The following SMIM8 variants were observed in gnomAD, a reference collection of about 807,000 sequenced individuals.
SMIM8 encodes small integral membrane protein 8.
A neutral mutation model predicts 8.1 loss-of-function variants in SMIM8; 8 were observed. The observed-to-expected ratio is 0.99, with a 90% confidence interval of 0.58 to 1.78. SMIM8 has a LOEUF of 1.78. Among genes scored for constraint, SMIM8 ranks in the 40% most tolerant of loss-of-function variants. The pLI is 0.00. For missense variants in SMIM8, 126 were observed against 119.8 expected, an observed-to-expected ratio of 1.05 and a Z score of -0.24; for synonymous variants, 45 against 39.7, an observed-to-expected ratio of 1.13 and a Z score of -0.50.
intron 1 of SMIM8, among the ~76,000 whole-genome samples, chr6:87,327,094 G>T (rs1314440556): frequency 6.6e-6 from 1 of 151,328 alleles, no homozygotes; most frequent in Non-Finnish European, 1.5e-5. Context: ...TGCAACCCCT[G>T]CTTTTTTTTG....
At chr6:87,340,055 A>G (rs1440209108) in intron 3 of SMIM8, 61 bp from the exon 4 acceptor site, 1 of 1,393,910 alleles carries the variant, frequency 7.2e-7, no homozygotes, top group East Asian at 2.5e-5. Context: ...TGCAACCGAT[A>G]TTTGGGTCTC....
chr6:87,334,801 A>G (rs913302081), intron 2 of SMIM8, among the ~76,000 whole-genome samples: 22 of 152,370 alleles, frequency 1.4e-4, no homozygotes, highest in African/African-American at 5.3e-4. Context: ...TTACCAAGCC[A>G]ATACACATGC....
chr6:87,325,948 G>A (rs558953619), intron 1 of SMIM8, among the ~76,000 whole-genome samples: 2 of 152,214 alleles, frequency 1.3e-5, no homozygotes, highest in Non-Finnish European at 2.9e-5. Context: ...TTCAGCTCCT[G>A]TTATTGGTCT....
At chr6:87,339,413 CGTGTGTGT>C (rs554628565) in intron 3 of SMIM8, among the ~76,000 whole-genome samples, 1 of 88,476 alleles carries the variant, frequency 1.1e-5, no homozygotes, top group Admixed American at 1.1e-4. Context: ...CAAAACACAG[CGTGTGTGT>C]GTGTGTGTGT....
At chr6:87,332,292 TTC>T (rs1248169511) in intron 2 of SMIM8, among the ~76,000 whole-genome samples, 2 of 144,058 alleles carry the variant, frequency 1.4e-5, no homozygotes, top group Non-Finnish European at 3.0e-5. Context: ...GTCTCTCTCT[TTC>T]TCTTTCTCCT....
chr6:87,324,944 C>A (rs374859553), intron 1 of SMIM8, among the ~76,000 whole-genome samples: 3 of 151,946 alleles, frequency 2.0e-5, no homozygotes, highest in Non-Finnish European at 4.4e-5. Context: ...CTTTTATTTC[C>A]TTGAGCAGTG....
intron 2 of SMIM8, among the ~76,000 whole-genome samples, chr6:87,335,437 A>G (rs1777093156): frequency 6.6e-6 from 1 of 152,210 alleles, no homozygotes; most frequent in South Asian, 2.1e-4. Context: ...GATAATCATG[A>G]TATGCATGAG....
At chr6:87,338,949 C>T (rs575932293) in intron 3 of SMIM8, among the ~76,000 whole-genome samples, 67 of 118,614 alleles carry the variant, frequency 5.6e-4, no homozygotes, top group African/African-American at 1.7e-3. Flanking sequence ...TGACTCATGT[C>T]TGCAATCCCA....
At chr6:87,335,204 C>G (rs1777080346) in intron 2 of SMIM8, among the ~76,000 whole-genome samples, 1 of 152,176 alleles carries the variant, frequency 6.6e-6, no homozygotes, top group Non-Finnish European at 1.5e-5. Context: ...CTGAGGTCCT[C>G]CTGTAAGAAG....
At chr6:87,324,020 G>A (rs1448128114) in intron 1 of SMIM8, among the ~76,000 whole-genome samples, 3 of 149,976 alleles carry the variant, frequency 2.0e-5, no homozygotes, top group Non-Finnish European at 4.4e-5. Context: ...TTCTCTGATG[G>A]CCAGTGATGG....
intron 2 of SMIM8, among the ~76,000 whole-genome samples, chr6:87,336,489 A>C (rs1478099547): frequency 6.6e-6 from 1 of 152,138 alleles, no homozygotes; most frequent in Admixed American, 6.5e-5. Context: ...TGCTTGGGAA[A>C]ATGAGTTCGT....
rs1370188341 is a variant in SMIM8 at position 87,341,532 on chromosome 6, A to T, written c.*1258A>T. ...CTCCAAATCATTGTCATTGGGCCTC[A>T]GTAGTAAATCTTACCTCTGAAGTCT... On this transcript the variant is annotated 3_prime_UTR_variant, in exon 4 of 4. Transcript: ENST00000392863. 2 of 377,536 alleles carry T rather than the reference A, an allele frequency of 5.3e-6. No individual in the cohort carries two copies. The highest frequency in any genetic ancestry group is 9.4e-6 in the Non-Finnish European group (2 of 213,636). The allele number at this position is 377,536 out of a possible 1,614,324, so 23.4% of individuals were successfully genotyped here. A position where few individuals can be genotyped will look rare whatever the true frequency, so the allele number is the denominator to read the frequency against.
chr6:87,328,872 G>A (rs190817343), intron 1 of SMIM8, among the ~76,000 whole-genome samples: 5,695 of 152,248 alleles, frequency 0.037, 367 homozygotes, highest in African/African-American at 0.13. Context: ...CTTGCAGTTT[G>A]ATCTCAGACT....
rs746519218 is a variant in SMIM8 at position 87,341,174 on chromosome 6, T to C, written c.*900T>C. 9 of 397,794 alleles carry C rather than the reference T, an allele frequency of 2.3e-5. No individual in the cohort carries two copies. Among genetic ancestry groups the C allele is most frequent in the Non-Finnish European group, 4.0e-5 (9 of 225,692 alleles). 24.6% of individuals were successfully genotyped at this position (397,794 alleles called of 1,614,324 possible). On this transcript the variant is annotated 3_prime_UTR_variant, in exon 4 of 4. Coordinates refer to ENST00000392863, the MANE Select transcript of SMIM8 (RefSeq NM_001042493.3). The stretch of plus-strand genomic sequence containing the variant: ...TAAGGTCTCCTTATTGTACCTTTTT[T>C]TTCTTTTGAAGTTTATATGCCAGCA...
chr6:87,340,155 C>G lies in SMIM8; in HGVS notation c.175C>G (p.Leu59Val), dbSNP rs757968987. The G allele has an allele frequency of 6.2e-7, 1 of 1,602,182 alleles. No individual in the cohort carries two copies. The change falls in exon 4 of 4, where the codon CTT becomes GTT. Residue 59 changes from leucine (L) to valine (V), a missense_variant. Physicochemically the swap from Leu to Val is conservative, Grantham distance 32. Coordinates refer to ENST00000392863, the MANE Select transcript of SMIM8 (RefSeq NM_001042493.3). ...VMAFGLVTLS[L>V]CVAYIGYLHA... ...GGCTTTCGGATTGGTAACTCTTTCACTTTGCGTGGCATATATTGGTTATCT... is the reference window on the plus strand; with the variant it reads ...GGCTTTCGGATTGGTAACTCTTTCAGTTTGCGTGGCATATATTGGTTATCT...
chr6:87,341,403 G>A lies in SMIM8; in HGVS notation c.*1129G>A. 2.5e-6 allele frequency: 1 copy of A among 397,376 alleles called. No homozygotes were observed. The highest frequency in any genetic ancestry group is 2.1e-5 in the African/African-American group (1 of 48,708). The allele number at this position is 397,376 out of a possible 1,614,324, so 24.6% of individuals were successfully genotyped here. On this transcript the variant is annotated 3_prime_UTR_variant, in exon 4 of 4. Coordinates refer to ENST00000392863, the MANE Select transcript of SMIM8 (RefSeq NM_001042493.3). ...ACCTGGCCCAGGGGCCTAGGACAGA[G>A]GTCAAGGCTAGGCCCCTGTGTCTGG...
chr6:87,332,343 A>ATATATATATATATATATATATATATATAT (rs1491301788), intron 2 of SMIM8, among the ~76,000 whole-genome samples: 4 of 145,790 alleles, frequency 2.7e-5, no homozygotes, highest in African/African-American at 1.0e-4. Context: ...ATATATATAT[A>ATATATATATATATATATATATATATATAT]AATGACAGCA....
chr6:87,332,344 A>ATATATATATATATAT (rs1490339070), intron 2 of SMIM8, among the ~76,000 whole-genome samples: 2 of 143,334 alleles, frequency 1.4e-5, no homozygotes, highest in African/African-American at 5.4e-5. Context: ...TATATATATA[A>ATATATATATATATAT]ATGACAGCAG....
intron 2 of SMIM8, among the ~76,000 whole-genome samples, chr6:87,332,032 A>T (rs1029207490): frequency 6.6e-6 from 1 of 152,060 alleles, no homozygotes; most frequent in Non-Finnish European, 1.5e-5. Context: ...AGTGTCTGGG[A>T]GTTGCAATAT....
Sources: gnomAD v4.1 joint callset for allele counts (sites outside exome capture counted in the v4.1 genomes callset) on GRCh38, gnomAD v4.1.1 for gene constraint, MANE v1.5 for transcripts, NCBI Gene and HGNC (gene_info 2026-07-23, HGNC 2026-07-21) for gene names.